Variants in LINGO2 observed in about 807,000 individuals in gnomAD.
LINGO2 encodes the protein leucine rich repeat and Ig domain containing 2, also known as leucine-rich repeat and immunoglobulin-like domain-containing nogo receptor-interacting protein 2.
In LINGO2, 14 loss-of-function variants were observed where a neutral mutation model predicts 30.6. The ratio of observed to expected loss-of-function variants is 0.46; its 90% CI spans 0.30 to 0.72. LINGO2 has a LOEUF of 0.72. LINGO2 is among the 30% of genes least tolerant of loss of function. The probability of loss-of-function intolerance (pLI) is 0.07; values close to 1 mark genes in which losing one functional copy is unlikely to be tolerated. For missense variants in LINGO2, 729 were observed against 751.7 expected (o/e 0.97, Z 0.35); for synonymous variants, 317 against 288.5 (o/e 1.10, Z -1.00).
At chr9:28,722,846 C>G in the LINGO2 span, among the ~76,000 whole-genome samples, 2 of 152,078 alleles carry the variant, frequency 1.3e-5, no homozygotes, top group South Asian at 2.1e-4. Context: ...TCAACCTATT[C>G]TCTGCTATAG....
intron 2 of LINGO2, among the ~76,000 whole-genome samples, chr9:28,385,502 G>C (rs1457620895): frequency 1.3e-5 from 2 of 152,118 alleles, no homozygotes; most frequent in Non-Finnish European, 2.9e-5. Context: ...CACGGATACT[G>C]TTATGCTTCA....
Position 28,167,146 on chromosome 9 carries a change from C to G in LINGO2, c.-87+128062G>C, listed in dbSNP as rs879619469. Among the ~76,000 whole-genome samples the G allele has an allele frequency of 4.6e-3, 645 of 141,324 alleles. 17 individuals are homozygous for G. Among genetic ancestry groups the G allele is most frequent in the Non-Finnish European group, 4.2e-3 (270 of 64,430 alleles). The allele number at this position is 141,324 out of a possible 152,430, so 92.7% of individuals were successfully genotyped here. A position where few individuals can be genotyped will look rare whatever the true frequency, so the allele number is the denominator to read the frequency against. On this transcript the variant is annotated intron_variant, in intron 4 of 5. Coordinates refer to ENST00000379992, the Ensembl canonical transcript of LINGO2. ...GCTTTTACTTAATATAGCACCCCCC[C>G]CCCCCACTTTTCTTTTCTCCAGCTT...
the LINGO2 span, among the ~76,000 whole-genome samples, chr9:28,890,585 T>A: frequency 3.5e-4 from 54 of 152,196 alleles, no homozygotes; most frequent in African/African-American, 1.3e-3. Flanking sequence ...TGGAGGACAA[T>A]GGGACATTCT....
At chr9:28,084,946 G>T (rs906204751) in intron 4 of LINGO2, among the ~76,000 whole-genome samples, 13 of 152,100 alleles carry the variant, frequency 8.5e-5, no homozygotes, top group African/African-American at 2.2e-4. Flanking sequence ...CATTGGCCTA[G>T]TTCAAAATTA....
intron 2 of LINGO2, among the ~76,000 whole-genome samples, chr9:28,430,081 G>A (rs1054131306): frequency 2.7e-5 from 4 of 149,200 alleles, no homozygotes; most frequent in Admixed American, 6.7e-5. Flanking sequence ...CAGGGAGAGG[G>A]AGAGGCTGAT....
intron 1 of LINGO2, among the ~76,000 whole-genome samples, chr9:28,644,196 CAAAAG>C (rs1827730316): frequency 6.6e-6 from 1 of 150,580 alleles, no homozygotes; most frequent in African/African-American, 2.4e-5. Context: ...GATATATAAC[CAAAAG>C]AAAAAAAAAG....
chr9:28,956,058 A>AG, the LINGO2 span, among the ~76,000 whole-genome samples: 4 of 151,528 alleles, frequency 2.6e-5, no homozygotes, highest in African/African-American at 9.7e-5. Context: ...GTTAAAAAAA[A>AG]ATTAGGTGAC....
intron 1 of LINGO2, among the ~76,000 whole-genome samples, chr9:28,500,688 A>G (rs1819847709): frequency 6.6e-6 from 1 of 152,076 alleles, no homozygotes; most frequent in African/African-American, 2.4e-5. Flanking sequence ...TTTCCAGAGG[A>G]GTATAATAGA....
At chr9:29,135,833 T>C in the LINGO2 span, among the ~76,000 whole-genome samples, 3 of 152,148 alleles carry the variant, frequency 2.0e-5, no homozygotes, top group Non-Finnish European at 4.4e-5. Context: ...TTCTGTTAAT[T>C]TGACTACTCT....
the LINGO2 span, among the ~76,000 whole-genome samples, chr9:28,825,261 C>T: frequency 6.6e-6 from 1 of 151,922 alleles, no homozygotes; most frequent in Non-Finnish European, 1.5e-5. Flanking sequence ...CAATGGATGT[C>T]TATAACTGAG....
At chr9:28,734,436 G>A in the LINGO2 span, among the ~76,000 whole-genome samples, 2 of 152,124 alleles carry the variant, frequency 1.3e-5, no homozygotes, top group Non-Finnish European at 2.9e-5. Flanking sequence ...TCAGTTGACG[G>A]CAGGAAACTG....
chr9:29,100,224 G>C, the LINGO2 span, among the ~76,000 whole-genome samples: 322 of 152,304 alleles, frequency 2.1e-3, 1 homozygote, highest in Middle Eastern at 3.4e-3. Context: ...GGTTACCCAA[G>C]GCTGAGAAGA....
intron 4 of LINGO2, among the ~76,000 whole-genome samples, chr9:28,150,253 A>G (rs1352216097): frequency 6.6e-6 from 1 of 152,186 alleles, no homozygotes; most frequent in African/African-American, 2.4e-5. Context: ...GGAAGTGAGG[A>G]GCATCTCTGC....
chr9:28,986,394 G>T, the LINGO2 span, among the ~76,000 whole-genome samples: 1 of 151,736 alleles, frequency 6.6e-6, no homozygotes, highest in South Asian at 2.1e-4. Flanking sequence ...TACAACTTTT[G>T]TCTCTTTCTA....
At chr9:28,803,435 A>T in the LINGO2 span, among the ~76,000 whole-genome samples, 3 of 151,916 alleles carry the variant, frequency 2.0e-5, no homozygotes, top group African/African-American at 7.2e-5. Context: ...TCTATTTCAT[A>T]TTAAAAGCCA....
the LINGO2 span, among the ~76,000 whole-genome samples, chr9:28,868,468 T>C: frequency 6.6e-6 from 1 of 152,126 alleles, no homozygotes; most frequent in Non-Finnish European, 1.5e-5. Flanking sequence ...TTCTCCCTGC[T>C]TCAAGATTGA....
At chr9:28,354,036 A>G (rs1333747273) in intron 3 of LINGO2, among the ~76,000 whole-genome samples, 2 of 152,090 alleles carry the variant, frequency 1.3e-5, no homozygotes, top group Non-Finnish European at 2.9e-5. Flanking sequence ...TAGCATCGGG[A>G]GATATACCTA....
chr9:29,145,252 G>T, the LINGO2 span, among the ~76,000 whole-genome samples: 1 of 152,082 alleles, frequency 6.6e-6, no homozygotes, highest in Non-Finnish European at 1.5e-5. Flanking sequence ...CACACATTAT[G>T]GTGATCCAGG....
chr9:28,752,973 G>A, the LINGO2 span, among the ~76,000 whole-genome samples: 14,226 of 152,050 alleles, frequency 0.094, 822 homozygotes, highest in East Asian at 0.22. Context: ...TAGGTACCCA[G>A]CGAATGGGAC....
Sources: gnomAD v4.1 joint callset for allele counts (sites outside exome capture counted in the v4.1 genomes callset) on GRCh38, gnomAD v4.1.1 for gene constraint, MANE v1.5 for transcripts, NCBI Gene and HGNC (gene_info 2026-07-23, HGNC 2026-07-21) for gene names.